The following MAGI2 variants were observed in gnomAD, a reference collection of about 807,000 sequenced individuals.
The protein encoded by MAGI2 is membrane associated guanylate kinase, WW and PDZ domain containing 2, also known as membrane-associated guanylate kinase, WW and PDZ domain-containing protein 2.
Under a neutral mutation model 133.3 loss-of-function variants are expected in MAGI2, and 35 were observed. The ratio of observed to expected loss-of-function variants is 0.26; its 90% CI spans 0.20 to 0.35. The LOEUF is 0.35. Among genes scored for constraint, MAGI2 ranks in the 10% least tolerant of loss-of-function variants. The pLI, the probability that MAGI2 is intolerant of heterozygous loss-of-function variation, is 1.00. For missense variants in MAGI2, 1,636 were observed against 1,863.4 expected (o/e 0.88, Z 2.25); for synonymous variants, 729 against 710.6 (o/e 1.03, Z -0.41).
intron 20 of MAGI2, among the ~76,000 whole-genome samples, chr7:78,092,070 C>T (rs530812186): frequency 6.6e-6 from 1 of 152,292 alleles, no homozygotes; most frequent in East Asian, 1.9e-4. Flanking sequence ...TTCAAAACTA[C>T]ATGTGTTAAA....
At chr7:78,100,287 C>T (rs141144163) in intron 20 of MAGI2, among the ~76,000 whole-genome samples, 84 of 152,306 alleles carry the variant, frequency 5.5e-4, no homozygotes, top group Admixed American at 1.1e-3. Flanking sequence ...ATTTGAAGCA[C>T]AATCTGAATC....
intron 2 of MAGI2, among the ~76,000 whole-genome samples, chr7:78,713,234 A>G (rs1457089533): frequency 2.0e-5 from 3 of 152,242 alleles, no homozygotes; most frequent in Admixed American, 2.0e-4. Context: ...CCTTGTGCAT[A>G]ATGTTTATTC....
At chr7:79,312,234 G>T (rs918260289) in intron 1 of MAGI2, among the ~76,000 whole-genome samples, 1 of 152,130 alleles carries the variant, frequency 6.6e-6, no homozygotes, top group African/African-American at 2.4e-5. Flanking sequence ...GTCATGTCAG[G>T]ACACAAGTTA....
At chr7:79,028,229 ATGTATG>A (rs1217437882) in intron 1 of MAGI2, among the ~76,000 whole-genome samples, 1 of 44,214 alleles carries the variant, frequency 2.3e-5, no homozygotes, top group Admixed American at 2.9e-4. Flanking sequence ...ATATATATAT[ATGTATG>A]TATATATATA....
At chr7:78,174,761 T>C (rs576871110) in intron 14 of MAGI2, among the ~76,000 whole-genome samples, 2 of 152,296 alleles carry the variant, frequency 1.3e-5, no homozygotes, top group South Asian at 4.1e-4. Flanking sequence ...GCATTGTAAT[T>C]AGAGGGTTGT....
chr7:78,869,154 C>T (rs1214065566), intron 2 of MAGI2, among the ~76,000 whole-genome samples: 1 of 152,162 alleles, frequency 6.6e-6, no homozygotes, highest in African/African-American at 2.4e-5. Context: ...TTGTCAGGTG[C>T]ATAGTTAGAG....
At chr7:78,573,401 T>TATATATATATATATAG (rs1563189756) in intron 3 of MAGI2, among the ~76,000 whole-genome samples, 1 of 74,210 alleles carries the variant, frequency 1.3e-5, no homozygotes, top group African/African-American at 5.5e-5. Context: ...TATATATATA[T>TATATATATATATATAG]ATAGGCTGCC....
intron 3 of MAGI2, among the ~76,000 whole-genome samples, chr7:78,527,706 C>A (rs888816402): frequency 3.3e-5 from 5 of 152,134 alleles, no homozygotes; most frequent in East Asian, 3.8e-4. Context: ...TTACTTCCAA[C>A]ACCTTTTTTC....
At chr7:78,034,572 G>C (rs1563030145) in intron 21 of MAGI2, among the ~76,000 whole-genome samples, 1 of 152,132 alleles carries the variant, frequency 6.6e-6, no homozygotes, top group Non-Finnish European at 1.5e-5. Flanking sequence ...CTGTCACCCA[G>C]GCTGGAGTGC....
intron 1 of MAGI2, among the ~76,000 whole-genome samples, chr7:79,338,844 A>G (rs919499358): frequency 6.6e-6 from 1 of 152,054 alleles, no homozygotes; most frequent in African/African-American, 2.4e-5. Context: ...CTGTCAACCT[A>G]CGGGGGGTAC....
intron 6 of MAGI2, among the ~76,000 whole-genome samples, chr7:78,451,522 C>T (rs1303481011): frequency 6.6e-6 from 1 of 151,982 alleles, no homozygotes; most frequent in Non-Finnish European, 1.5e-5. Flanking sequence ...GGTTGGGAGA[C>T]CAGAGGCTGG....
chr7:78,104,514 G>A (rs1195810672), intron 20 of MAGI2, among the ~76,000 whole-genome samples: 2 of 151,836 alleles, frequency 1.3e-5, no homozygotes, highest in South Asian at 2.1e-4. Flanking sequence ...GAGCCACCGC[G>A]CCCAGCCCGG....
intron 1 of MAGI2, among the ~76,000 whole-genome samples, chr7:79,093,929 G>T (rs968227464): frequency 1.3e-5 from 2 of 151,778 alleles, no homozygotes; most frequent in Non-Finnish European, 1.5e-5. Flanking sequence ...TGGCCAGGAT[G>T]GTCTCAAACT....
chr7:78,282,278 T>C (rs901051201), intron 9 of MAGI2, among the ~76,000 whole-genome samples: 1 of 152,124 alleles, frequency 6.6e-6, no homozygotes, highest in Non-Finnish European at 1.5e-5. Flanking sequence ...GGAGTCCCTA[T>C]GCCAAATTCT....
chr7:78,069,758 C>T (rs537929802), intron 21 of MAGI2, among the ~76,000 whole-genome samples: 13 of 152,170 alleles, frequency 8.5e-5, no homozygotes, highest in African/African-American at 3.1e-4. Context: ...ATAGTTCTTA[C>T]AGTATTCAGC....
chr7:79,041,765 T>A (rs943596695), intron 1 of MAGI2, among the ~76,000 whole-genome samples: 1 of 152,168 alleles, frequency 6.6e-6, no homozygotes, highest in Non-Finnish European at 1.5e-5. Flanking sequence ...AAGGATAATC[T>A]TTTCAACAAA....
intron 6 of MAGI2, among the ~76,000 whole-genome samples, chr7:78,438,163 T>G (rs1562994912): frequency 1.3e-5 from 2 of 152,140 alleles, no homozygotes; most frequent in African/African-American, 2.4e-5. Context: ...GAGACTCTGA[T>G]GTGTAATATT....
At chr7:79,347,576 G>A (rs1478489877) in intron 1 of MAGI2, among the ~76,000 whole-genome samples, 1 of 151,730 alleles carries the variant, frequency 6.6e-6, no homozygotes. Flanking sequence ...TTCTTCTCTT[G>A]TCACTTTCAT....
intron 7 of MAGI2, among the ~76,000 whole-genome samples, chr7:78,364,982 C>T (rs143815310): frequency 2.0e-5 from 3 of 152,342 alleles, no homozygotes; most frequent in African/African-American, 7.2e-5. Flanking sequence ...AGAGTGAGAA[C>T]TTGGTCTGTT....
Sources: allele counts gnomAD v4.1 joint callset (sites outside exome capture counted in the v4.1 genomes callset), GRCh38; gene constraint gnomAD v4.1.1; transcripts MANE v1.5; gene names NCBI Gene and HGNC (gene_info 2026-07-23, HGNC 2026-07-21).